GAPVD1: variants seen among roughly 807,000 people sequenced by gnomAD.
GAPVD1 encodes the protein GTPase-activating protein and VPS9 domain-containing protein 1.
A neutral mutation model predicts 155.5 loss-of-function variants in GAPVD1; 35 were observed. That is an observed-to-expected ratio of 0.23 (90% CI 0.17 to 0.30). The LOEUF (loss-of-function observed/expected upper bound fraction) is 0.30. Among genes scored for constraint, GAPVD1 ranks in the 10% least tolerant of loss-of-function variants. The pLI, the probability that GAPVD1 is intolerant of heterozygous loss-of-function variation, is 1.00. For synonymous variants in GAPVD1, 636 were observed against 619.7 expected (o/e 1.03, Z -0.39); for missense variants, 1,429 against 1,775.7 (o/e 0.80, Z 3.51).
chr9:125,282,850 A>C (rs1001136625), intron 2 of GAPVD1, among the ~76,000 whole-genome samples: 8 of 152,064 alleles, frequency 5.3e-5, no homozygotes, highest in African/African-American at 1.7e-4. Flanking sequence ...TTCTGATTCC[A>C]GTTTTAGTAT....
At chr9:125,283,382 G>A (rs185816780) in intron 2 of GAPVD1, among the ~76,000 whole-genome samples, 2 of 151,496 alleles carry the variant, frequency 1.3e-5, no homozygotes, top group African/African-American at 4.8e-5. Flanking sequence ...TTTTAGACAG[G>A]GTCGTGCTGT....
chr9:125,289,015 T>C (rs1457407062), intron 2 of GAPVD1, among the ~76,000 whole-genome samples: 4 of 152,148 alleles, frequency 2.6e-5, no homozygotes, highest in Non-Finnish European at 5.9e-5. Context: ...GGTACTAAGG[T>C]AGAAGTGTGT....
intron 19 of GAPVD1, among the ~76,000 whole-genome samples, chr9:125,344,150 T>C (rs1165112218): frequency 6.6e-6 from 1 of 152,212 alleles, no homozygotes; most frequent in Non-Finnish European, 1.5e-5. Flanking sequence ...TTGAAAGTTT[T>C]CATTAAACCA....
intron 2 of GAPVD1, among the ~76,000 whole-genome samples, chr9:125,277,590 A>G (rs1835991820): frequency 6.6e-6 from 1 of 152,136 alleles, no homozygotes; most frequent in African/African-American, 2.4e-5. Context: ...TGTCTTGTTC[A>G]TCAGTGCTTA....
intron 15 of GAPVD1, 141 bp from the exon 16 acceptor site, chr9:125,336,876 TG>T (rs1315444294): frequency 1.4e-5 from 8 of 592,322 alleles, no homozygotes; most frequent in Non-Finnish European, 2.4e-5. Context: ...AATCATAATT[TG>T]ATTTTTTTTT....
intron 2 of GAPVD1, among the ~76,000 whole-genome samples, chr9:125,290,835 A>G (rs1838467143): frequency 6.7e-6 from 1 of 149,076 alleles, no homozygotes. Flanking sequence ...CATCTCTACA[A>G]AATAAAAATT....
intron 20 of GAPVD1, among the ~76,000 whole-genome samples, 180 bp from the exon 21 acceptor site, chr9:125,349,210 A>G (rs967555927): frequency 2.6e-5 from 4 of 152,174 alleles, no homozygotes; most frequent in Admixed American, 6.5e-5. Flanking sequence ...TTGATACATA[A>G]TTGTTGCTAT....
At chr9:125,294,651 GGTT>G (rs1456226572) in intron 2 of GAPVD1, among the ~76,000 whole-genome samples, 1 of 123,782 alleles carries the variant, frequency 8.1e-6, no homozygotes, top group Admixed American at 8.2e-5. Flanking sequence ...CAGCTAAAAT[GGTT>G]TTTTTTTTTT....
At chr9:125,321,590 GTGTGGTTCAATTAATAGTTTGTTT>G (rs1216583845) in intron 10 of GAPVD1, 28 bp downstream of exon 10, 2 of 1,597,152 alleles carry the variant, frequency 1.3e-6, no homozygotes, top group Non-Finnish European at 8.5e-7. Context: ...TCAAGGAGTT[GTGTGGTTCAATTAATAGTTTGTTT>G]TGTGTTTTTT....
chr9:125,272,567 G>T (rs1236214272), intron 2 of GAPVD1, among the ~76,000 whole-genome samples: 1 of 152,068 alleles, frequency 6.6e-6, no homozygotes, highest in African/African-American at 2.4e-5. Flanking sequence ...GACATTTATT[G>T]GATTCGTTCT....
chr9:125,305,030 C>T, intron 5 of GAPVD1, 33 bp from the exon 6 acceptor site: 1 of 1,422,774 alleles, frequency 7.0e-7, no homozygotes, highest in Non-Finnish European at 9.9e-7. Flanking sequence ...CTGTCTGTAG[C>T]TTATGTCTCC....
Position 125,337,086 on chromosome 9 carries a change from T to G in GAPVD1, c.2497T>G (p.Ser833Ala). ...GCTGGCCATGTTTGATCCACTGTCT[T>G]CACATGAAGGTAAACCAGTGAAATG... Reference protein sequence around the residue: ...SLLAMFDPLSSHEGASAVVRP... With the variant: ...SLLAMFDPLSAHEGASAVVRP... The change falls in exon 16 of 28, where the codon TCA (serine) becomes GCA (alanine). Residue 833 changes from serine to alanine, a missense_variant. By Grantham distance (99) the Ser-to-Ala change is moderately conservative. Around this residue, in one of 4 missense-constraint regions of GAPVD1, gnomAD observed 699 missense variants for 826.0 expected, o/e 0.85. Transcript: ENST00000297933. 6.2e-7 allele frequency: 1 copy of G among 1,611,906 alleles called. No homozygotes were observed. Among genetic ancestry groups the G allele is most frequent in the African/African-American group, 1.3e-5 (1 of 75,028 alleles).
rs1301987633 is a variant in GAPVD1 at position 125,366,930 on chromosome 9, G to T, written c.*4184G>T. On this transcript the variant is annotated 3_prime_UTR_variant, in exon 28 of 28. Transcript: ENST00000297933. ...TCAAGAGAGATGACGTCTCCACTTGGATAATGGCAGACAGTGTGGGTAGCG... is the reference window on the plus strand; with the variant it reads ...TCAAGAGAGATGACGTCTCCACTTGTATAATGGCAGACAGTGTGGGTAGCG... The T allele has an allele frequency of 6.6e-6, 1 of 152,314 alleles. No homozygotes were observed. Among genetic ancestry groups the T allele is most frequent in the East Asian group, 1.9e-4 (1 of 5,190 alleles). 9.4% of individuals were successfully genotyped at this position (152,314 alleles called of 1,614,324 possible). A position where few individuals can be genotyped will look rare whatever the true frequency, so the allele number is the denominator to read the frequency against.
intron 1 of GAPVD1, chr9:125,264,229 C>G: frequency 3.4e-6 from 2 of 592,592 alleles, no homozygotes; most frequent in Admixed American, 2.7e-5. Context: ...GAGTCTGGCT[C>G]TGTTGCCTAG....
intron 2 of GAPVD1, among the ~76,000 whole-genome samples, chr9:125,293,170 G>T (rs1158631728): frequency 6.6e-6 from 1 of 152,134 alleles, no homozygotes; most frequent in African/African-American, 2.4e-5. Context: ...TGAGTTTGGA[G>T]TCTAGGAACC....
At chr9:125,317,818 T>C (rs1843681210) in intron 9 of GAPVD1, among the ~76,000 whole-genome samples, 1 of 150,810 alleles carries the variant, frequency 6.6e-6, no homozygotes, top group Non-Finnish European at 1.5e-5. Flanking sequence ...AATAAAGGGG[T>C]AGAAATTACA....
intron 20 of GAPVD1, among the ~76,000 whole-genome samples, 197 bp from the exon 21 acceptor site, chr9:125,349,193 T>C (rs1015862989): frequency 5.3e-5 from 8 of 152,254 alleles, no homozygotes; most frequent in Non-Finnish European, 1.2e-4. Context: ...TCTCAGCAAC[T>C]AGTCTCTTGA....
At chr9:125,330,356 T>TA in intron 13 of GAPVD1, 138 bp downstream of exon 13, 1 of 527,850 alleles carries the variant, frequency 1.9e-6, no homozygotes, top group Non-Finnish European at 3.2e-6. Context: ...TCTTGCTCTT[T>TA]TACCCAGGCT....
intron 2 of GAPVD1, among the ~76,000 whole-genome samples, chr9:125,279,612 AC>A (rs1404177445): frequency 6.6e-6 from 1 of 151,626 alleles, no homozygotes; most frequent in African/African-American, 2.4e-5. Context: ...TAAAAAAAAA[AC>A]ACTGAGGAAA....
Sources: allele counts gnomAD v4.1 joint callset (sites outside exome capture counted in the v4.1 genomes callset), GRCh38; gene constraint gnomAD v4.1.1; regional missense constraint gnomAD v4.1.1; transcripts MANE v1.5; gene names NCBI Gene and HGNC (gene_info 2026-07-23, HGNC 2026-07-21).